The following ZNF607 variants were observed in gnomAD, a reference collection of about 807,000 sequenced individuals.
ZNF607 encodes the protein zinc finger protein 607.
In ZNF607, 5 loss-of-function variants were observed where a neutral mutation model predicts 12.8. The ratio of observed to expected loss-of-function variants is 0.39; its 90% CI spans 0.20 to 0.82. ZNF607 has a LOEUF of 0.82. Ranked by LOEUF, ZNF607 falls within the 40% of genes least tolerant of loss-of-function variation. The pLI, the probability that ZNF607 is intolerant of heterozygous loss-of-function variation, is 0.39. For synonymous variants in ZNF607, 287 were observed against 276.2 expected (o/e 1.04, Z -0.39); for missense variants, 851 against 859.2 (o/e 0.99, Z 0.12).
chr19:37,698,137 C>CTATG lies in ZNF607; in HGVS notation c.1990_1993dup (p.Arg665ThrfsTer2), dbSNP rs1385699220. On this transcript the variant is annotated stop_gained and frameshift_variant, in exon 5 of 5. Transcript: ENST00000355202. LOFTEE classifies it low-confidence loss of function (END_TRUNC). The stretch of plus-strand genomic sequence containing the variant: ...AAAGGGTTTCTCACCAGTATGAACT[C>CTATG]TATGATGTATACTAAGTTCATGGCT... 1 of 1,614,008 alleles carries CTATG rather than the reference C, an allele frequency of 6.2e-7. No homozygotes were observed. Among genetic ancestry groups the CTATG allele is most frequent in the Non-Finnish European group, 8.5e-7 (1 of 1,179,934 alleles).
rs1439285920 is a variant in ZNF607 at position 37,698,767 on chromosome 19, C to A, written c.1364G>T (p.Gly455Val). ...GYKPFECKEC[G>V]KSFRCASYLV... is the part of the protein sequence containing the mutation. Reference sequence around the variant, plus strand: ...ATATGAGGCACAACGAAAGGACTTCCCACATTCTTTACATTCAAAGGGTTT... The same window carrying A: ...ATATGAGGCACAACGAAAGGACTTCACACATTCTTTACATTCAAAGGGTTT... The change falls in exon 5 of 5, where the codon GGG (glycine) becomes GTG (valine). Residue 455 changes from glycine to valine, a missense_variant. Transcript: ENST00000355202. 10 of 1,613,676 alleles carry A rather than the reference C, an allele frequency of 6.2e-6. No individual in the cohort carries two copies. The highest frequency in any genetic ancestry group is 8.5e-6 in the Non-Finnish European group (10 of 1,179,804).
At chr19:37,705,442 T>C (rs148845397) in intron 4 of ZNF607, among the ~76,000 whole-genome samples, 1,559 of 152,126 alleles carry the variant, frequency 0.01, 28 homozygotes, top group African/African-American at 0.036. Context: ...CCCAGCACTT[T>C]GGGAGGCTAA....
At chr19:37,716,090 A>G (rs2045174347) in intron 1 of ZNF607, among the ~76,000 whole-genome samples, 1 of 152,204 alleles carries the variant, frequency 6.6e-6, no homozygotes, top group South Asian at 2.1e-4. Context: ...ATGAAAGCCC[A>G]TGTCAAAAGA....
rs2044984163 is a variant in ZNF607 at position 37,697,260 on chromosome 19, A to G, written c.*780T>C. ...AAAGTGAGTCCCTTCCCCTACCACA[A>G]TGTTCTGTACTCCACGGAATTGGTC... On this transcript the variant is annotated 3_prime_UTR_variant, in exon 5 of 5. Coordinates refer to ENST00000355202, the MANE Select transcript of ZNF607 (RefSeq NM_032689.5). The G allele has an allele frequency of 1.4e-5, 11 of 784,754 alleles. No individual in the cohort carries two copies. The highest frequency in any genetic ancestry group is 3.5e-5 in the Admixed American group (2 of 57,348). 48.6% of individuals were successfully genotyped at this position (784,754 alleles called of 1,614,324 possible).
chr19:37,705,685 CAAAA>C (rs978057659), intron 4 of ZNF607, among the ~76,000 whole-genome samples: 5 of 52,694 alleles, frequency 9.5e-5, no homozygotes, highest in Admixed American at 2.2e-4. Flanking sequence ...ACTCTCTCTC[CAAAA>C]AAAAAAAAAA....
At chr19:37,705,362 C>T (rs1217286799) in intron 4 of ZNF607, among the ~76,000 whole-genome samples, 1 of 152,140 alleles carries the variant, frequency 6.6e-6, no homozygotes, top group Non-Finnish European at 1.5e-5. Flanking sequence ...CACTACCATC[C>T]AGTAAATAAT....
chr19:37,704,924 C>A (rs113116116), intron 4 of ZNF607, among the ~76,000 whole-genome samples: 6,538 of 152,164 alleles, frequency 0.043, 146 homozygotes, highest in Middle Eastern at 0.11. Context: ...GCACTCCAGC[C>A]TGGGCAACAG....
chr19:37,708,341 G>A (rs565083604), intron 3 of ZNF607, among the ~76,000 whole-genome samples: 12 of 151,756 alleles, frequency 7.9e-5, no homozygotes, highest in East Asian at 2.0e-4. Context: ...GATTATAGGC[G>A]TGCACCACCA....
chr19:37,715,476 C>T (rs2045168851), intron 1 of ZNF607, among the ~76,000 whole-genome samples: 1 of 151,642 alleles, frequency 6.6e-6, no homozygotes, highest in Non-Finnish European at 1.5e-5. Flanking sequence ...CATGGTGATG[C>T]ATGCCTGTAA....
chr19:37,713,180 G>GAC (rs1188097543), intron 1 of ZNF607, among the ~76,000 whole-genome samples: 12 of 151,982 alleles, frequency 7.9e-5, no homozygotes, highest in Admixed American at 5.3e-4. Context: ...TAGACTCAGT[G>GAC]TAATTTGTTC....
rs770071452 is a variant in ZNF607 at position 37,698,668 on chromosome 19, T to C, written c.1463A>G (p.Tyr488Cys). ...GCGATGTATAGTGAGTTTATGGCTA[T>C]AACTAAAACCCTTCCCACACTCTTG... is the stretch of plus-strand genomic sequence containing the variant. ...VCQECGKGFS[Y>C]SHKLTIHRRV... Residue 488 changes from tyrosine to cysteine, a missense_variant, in exon 5 of 5, where the codon TAT (tyrosine) becomes TGT (cysteine). Tyr to Cys is a radical substitution (Grantham distance 194, BLOSUM62 -2). Coordinates refer to ENST00000355202, the MANE Select transcript of ZNF607 (RefSeq NM_032689.5). The C allele has an allele frequency of 4.3e-6, 7 of 1,613,250 alleles. No individual in the cohort carries two copies. The Admixed American group carries it at 5.0e-5, about 12-fold the overall frequency.
intron 3 of ZNF607, among the ~76,000 whole-genome samples, chr19:37,709,291 CTCTT>C (rs1407582209): frequency 1.3e-5 from 2 of 152,200 alleles, no homozygotes; most frequent in Middle Eastern, 3.2e-3. Context: ...ATTCAGCACC[CTCTT>C]TCAAAGTAAT....
chr19:37,700,510 G>C (rs2145226626), intron 4 of ZNF607, among the ~76,000 whole-genome samples: 1 of 152,270 alleles, frequency 6.6e-6, no homozygotes, highest in East Asian at 1.9e-4. Flanking sequence ...GATTTTCATT[G>C]AAGAATGATC....
intron 4 of ZNF607, among the ~76,000 whole-genome samples, chr19:37,703,441 A>T (rs1442842359): frequency 3.3e-5 from 5 of 152,154 alleles, no homozygotes; most frequent in African/African-American, 1.2e-4. Context: ...ATAGTGAATG[A>T]CCCATCACCT....
In ZNF607 at chr19:37,715,603, T is replaced by TA. The variant is rs767020720; in HGVS notation, c.-75+3665dup. On this transcript the variant is annotated intron_variant, in intron 1 of 4. Coordinates refer to ENST00000355202, the MANE Select transcript of ZNF607 (RefSeq NM_032689.5). ...CTGGGCCACAGAATGAAACTCCATC[T>TA]AAAAAAAAAAAAAAAGATGATCAGA... Among the ~76,000 whole-genome samples the TA allele has an allele frequency of 7.7e-3, 993 of 129,154 alleles. 7 individuals are homozygous for TA. The highest frequency in any genetic ancestry group is 0.046 in the East Asian group (212 of 4,588). 84.7% of individuals were successfully genotyped at this position (129,154 alleles called of 152,430 possible).
chr19:37,698,618 A>G lies in ZNF607; in HGVS notation c.1513T>C (p.Tyr505His). The G allele has an allele frequency of 6.2e-7, 1 of 1,614,074 alleles. No individual in the cohort carries two copies. Among genetic ancestry groups the G allele is most frequent in the Non-Finnish European group, 8.5e-7 (1 of 1,179,990 alleles). Residue 505 changes from tyrosine to histidine, a missense_variant, in exon 5 of 5, where the codon TAT becomes CAT. Coordinates refer to ENST00000355202, the MANE Select transcript of ZNF607 (RefSeq NM_032689.5). ...HRRVHTGEKPYECKECGKAFS... is the reference protein window; with the variant it reads ...HRRVHTGEKPHECKECGKAFS... ...GCCTTCCCACATTCCTTACATTCATAAGGTTTCTCACCAGTATGAACTCTG... is the reference window on the plus strand; with the variant it reads ...GCCTTCCCACATTCCTTACATTCATGAGGTTTCTCACCAGTATGAACTCTG...
chr19:37,698,574 T>C lies in ZNF607; in HGVS notation c.1557A>G (p.Gln519=). Residue 519 remains glutamine (Q), a synonymous_variant, in exon 5 of 5, where the codon CAA becomes CAG. Coordinates refer to ENST00000355202, the MANE Select transcript of ZNF607 (RefSeq NM_032689.5). ...TGTGAATACTCAGATGCTGAGTAAG[T>C]TGTCCAGATACACTAAAGGCCTTCC... ...ECGKAFSVSG[Q]LTQHLSIHSG... is the part of the protein sequence containing the mutation. 6.2e-7 allele frequency: 1 copy of C among 1,611,802 alleles called. No homozygotes were observed. The highest frequency in any genetic ancestry group is 1.1e-5 in the South Asian group (1 of 91,022).
intron 1 of ZNF607, among the ~76,000 whole-genome samples, chr19:37,717,672 G>A (rs1484178284): frequency 6.6e-6 from 1 of 151,150 alleles, no homozygotes; most frequent in South Asian, 2.1e-4. Flanking sequence ...CAGGCATGGT[G>A]GCCCATGCTT....
chr19:37,705,840 TTCTC>T (rs1280381874), intron 4 of ZNF607, among the ~76,000 whole-genome samples: 12 of 152,232 alleles, frequency 7.9e-5, no homozygotes, highest in African/African-American at 1.4e-4. Context: ...CCCTGCTCCC[TTCTC>T]TCTCTTTCTC....
Sources: gnomAD v4.1 joint callset for allele counts (sites outside exome capture counted in the v4.1 genomes callset) on GRCh38, gnomAD v4.1.1 for gene constraint, MANE v1.5 for transcripts, NCBI Gene and HGNC (gene_info 2026-07-23, HGNC 2026-07-21) for gene names.